Variants in TSPAN18 observed in about 807,000 individuals in gnomAD.
The protein encoded by TSPAN18 is tetraspanin-18.
A neutral mutation model predicts 27.3 loss-of-function variants in TSPAN18; 14 were observed. The observed-to-expected ratio is 0.51, with a 90% CI of 0.34 to 0.80. The LOEUF (loss-of-function observed/expected upper bound fraction) is 0.80, where lower values mean the gene tolerates loss of function less well. Among genes scored for constraint, TSPAN18 ranks in the 30% least tolerant of loss-of-function variants. The pLI is 0.01. For missense variants in TSPAN18, 268 were observed against 323.9 expected (o/e 0.83, Z 1.32); for synonymous variants, 143 against 136.5 (o/e 1.05, Z -0.33).
At chr11:44,840,721 C>T (rs1014653926) in intron 2 of TSPAN18, among the ~76,000 whole-genome samples, 11 of 152,212 alleles carry the variant, frequency 7.2e-5, no homozygotes, top group Non-Finnish European at 1.5e-4. Context: ...CATGACACAG[C>T]TTGCATTTCA....
chr11:44,927,316 T>C (rs371342432), intron 9 of TSPAN18, among the ~76,000 whole-genome samples: 1 of 152,202 alleles, frequency 6.6e-6, no homozygotes, highest in Non-Finnish European at 1.5e-5. Context: ...CCCGTTTCTG[T>C]CCTCTGGGAT....
intron 8 of TSPAN18, chr11:44,925,838 G>C (rs1336107803): frequency 6.6e-6 from 1 of 152,182 alleles, no homozygotes; most frequent in Non-Finnish European, 1.5e-5. Flanking sequence ...CAGCATGGGG[G>C]AGGGGAGAGT....
At chr11:44,920,101 C>A in intron 8 of TSPAN18, 102 bp downstream of exon 8, 1 of 1,176,174 alleles carries the variant, frequency 8.5e-7, no homozygotes, top group African/African-American at 1.5e-5. Flanking sequence ...GAAGCTACCC[C>A]AGGAATCCCA....
chr11:44,742,378 C>G (rs1854964500), intron 1 of TSPAN18, among the ~76,000 whole-genome samples: 1 of 148,648 alleles, frequency 6.7e-6, no homozygotes, highest in South Asian at 2.2e-4. Flanking sequence ...CTTTCCCTCC[C>G]CCATTTTTTC....
At chr11:44,792,499 G>A (rs868672697) in intron 2 of TSPAN18, among the ~76,000 whole-genome samples, 1 of 152,154 alleles carries the variant, frequency 6.6e-6, no homozygotes, top group Non-Finnish European at 1.5e-5. Flanking sequence ...TGACTGCCTG[G>A]CACACAGTAG....
At chr11:44,887,920 G>T (rs1858713290) in intron 3 of TSPAN18, among the ~76,000 whole-genome samples, 1 of 152,154 alleles carries the variant, frequency 6.6e-6, no homozygotes, top group Non-Finnish European at 1.5e-5. Flanking sequence ...GGTGGGCCAG[G>T]TTGTCCCAGC....
chr11:44,835,551 A>G (rs1857247088), intron 2 of TSPAN18, among the ~76,000 whole-genome samples: 1 of 150,642 alleles, frequency 6.6e-6, no homozygotes, highest in Admixed American at 6.6e-5. Flanking sequence ...TTTTGCTGAG[A>G]CAGCGATCTG....
At chr11:44,738,573 G>C (rs1854854306) in intron 1 of TSPAN18, among the ~76,000 whole-genome samples, 1 of 152,156 alleles carries the variant, frequency 6.6e-6, no homozygotes, top group Non-Finnish European at 1.5e-5. Context: ...GGTGTTGGCA[G>C]GTTTGGTTTC....
chr11:44,812,059 T>G (rs1856729598), intron 2 of TSPAN18, among the ~76,000 whole-genome samples: 1 of 152,216 alleles, frequency 6.6e-6, no homozygotes, highest in Admixed American at 6.5e-5. Flanking sequence ...TTCATCACTC[T>G]CAATGAGTAA....
intron 2 of TSPAN18, among the ~76,000 whole-genome samples, chr11:44,781,039 C>G (rs1428488416): frequency 6.6e-6 from 1 of 152,230 alleles, no homozygotes; most frequent in African/African-American, 2.4e-5. Context: ...TGGCTTATCA[C>G]AAACATTAAG....
At chr11:44,751,586 G>T (rs185777508) in intron 1 of TSPAN18, among the ~76,000 whole-genome samples, 1 of 152,080 alleles carries the variant, frequency 6.6e-6, no homozygotes, top group Non-Finnish European at 1.5e-5. Flanking sequence ...TTGTTTCTGC[G>T]TTTAAATAAT....
At chr11:44,860,646 G>T (rs1289016878) in intron 3 of TSPAN18, among the ~76,000 whole-genome samples, 177 bp downstream of exon 3, 9 of 152,218 alleles carry the variant, frequency 5.9e-5, no homozygotes, top group Admixed American at 5.9e-4. Flanking sequence ...CAGATAGTGT[G>T]AGTGGATCTG....
At chr11:44,866,283 C>G (rs1471803353) in intron 3 of TSPAN18, among the ~76,000 whole-genome samples, 1 of 152,244 alleles carries the variant, frequency 6.6e-6, no homozygotes, top group Non-Finnish European at 1.5e-5. Context: ...CTGATTAAAT[C>G]TGCCTTCAGC....
rs371976389 is a variant in TSPAN18 at position 44,857,152 on chromosome 11, A to G, written c.-152-3176A>G. 6.6e-5 allele frequency among the ~76,000 whole-genome samples: 10 copies of G among 152,324 alleles called. No individual in the cohort carries two copies. The South Asian group carries it at 1.5e-3, about 22-fold the overall frequency. On this transcript the variant is annotated intron_variant, in intron 2 of 9. Transcript: ENST00000520358. ...GGGAAAGAGGGACTTAGGTAAAGGAATCTGCTGAATTCTCAGTCAAGTCTC... is the reference window on the plus strand; with the variant it reads ...GGGAAAGAGGGACTTAGGTAAAGGAGTCTGCTGAATTCTCAGTCAAGTCTC...
chr11:44,774,351 T>G (rs552200248), intron 2 of TSPAN18, among the ~76,000 whole-genome samples: 1 of 152,346 alleles, frequency 6.6e-6, no homozygotes, highest in South Asian at 2.1e-4. Flanking sequence ...TTCCTGCATC[T>G]CACAGTGTGT....
At chr11:44,869,811 T>G (rs1858142466) in intron 3 of TSPAN18, among the ~76,000 whole-genome samples, 1 of 151,660 alleles carries the variant, frequency 6.6e-6, no homozygotes, top group South Asian at 2.1e-4. Context: ...AGGCCCACCC[T>G]CCTCACATTA....
intron 2 of TSPAN18, among the ~76,000 whole-genome samples, chr11:44,808,328 C>T (rs1565159024): frequency 6.6e-6 from 1 of 152,166 alleles, no homozygotes; most frequent in African/African-American, 2.4e-5. Context: ...TGTTTCTGAA[C>T]CTGGATTCAG....
At chr11:44,876,840 C>T (rs1858347014) in intron 3 of TSPAN18, among the ~76,000 whole-genome samples, 1 of 152,148 alleles carries the variant, frequency 6.6e-6, no homozygotes, top group Non-Finnish European at 1.5e-5. Flanking sequence ...TATATGGAGA[C>T]TCTCAGCTTC....
At chr11:44,728,510 T>C (rs73464447) in intron 1 of TSPAN18, among the ~76,000 whole-genome samples, 2,095 of 152,042 alleles carry the variant, frequency 0.014, 54 homozygotes, top group African/African-American at 0.048. Flanking sequence ...TGGGCACAAG[T>C]AAACTGGGAG....
Sources: gnomAD v4.1 joint callset for allele counts (sites outside exome capture counted in the v4.1 genomes callset) on GRCh38, gnomAD v4.1.1 for gene constraint, MANE v1.5 for transcripts, NCBI Gene and HGNC (gene_info 2026-07-23, HGNC 2026-07-21) for gene names.